TBC1D2B: variants seen among roughly 807,000 people sequenced by gnomAD.
TBC1D2B encodes the protein TBC1 domain family member 2B.
In TBC1D2B, 64 loss-of-function variants were observed where a neutral mutation model predicts 100.8. The observed-to-expected ratio is 0.64, with a 90% CI of 0.52 to 0.78. The LOEUF (loss-of-function observed/expected upper bound fraction) is 0.78, where lower values mean the gene tolerates loss of function less well. Ranked by LOEUF, TBC1D2B falls within the 30% of genes least tolerant of loss-of-function variation. TBC1D2B has a pLI of 0.00. For missense variants in TBC1D2B, 1,052 were observed against 1,218.4 expected (o/e 0.86, Z 2.03); for synonymous variants, 480 against 479.7 (o/e 1.00, Z -0.01).
intron 1 of TBC1D2B, among the ~76,000 whole-genome samples, chr15:78,076,709 C>A (rs1384981054): frequency 6.6e-6 from 1 of 152,190 alleles, no homozygotes; most frequent in Non-Finnish European, 1.5e-5. Flanking sequence ...CGAGATCGCA[C>A]CCCTGCACTC....
intron 9 of TBC1D2B, among the ~76,000 whole-genome samples, chr15:78,012,468 A>C (rs1300265566): frequency 6.6e-6 from 1 of 152,252 alleles, no homozygotes; most frequent in Non-Finnish European, 1.5e-5. Flanking sequence ...GATCCTGTAT[A>C]CTGCATAAAC....
chr15:78,041,965 G>T (rs1265978692), intron 3 of TBC1D2B, among the ~76,000 whole-genome samples: 2 of 152,158 alleles, frequency 1.3e-5, no homozygotes, highest in African/African-American at 2.4e-5. Flanking sequence ...AATGAGAAAC[G>T]GAGGCACAGA....
chr15:78,014,855 C>A (rs2072327781), intron 8 of TBC1D2B, among the ~76,000 whole-genome samples: 1 of 152,218 alleles, frequency 6.6e-6, no homozygotes, highest in Admixed American at 6.5e-5. Context: ...CAGAAATACA[C>A]ACTGAAGTAT....
At chr15:78,016,005 T>C (rs1465649451) in intron 8 of TBC1D2B, among the ~76,000 whole-genome samples, 1 of 152,198 alleles carries the variant, frequency 6.6e-6, no homozygotes, top group Non-Finnish European at 1.5e-5. Flanking sequence ...TCCTGAGTCG[T>C]GGAAACAAGA....
chr15:78,051,384 G>A (rs544140216), intron 2 of TBC1D2B, among the ~76,000 whole-genome samples: 1 of 152,114 alleles, frequency 6.6e-6, no homozygotes, highest in African/African-American at 2.4e-5. Flanking sequence ...TCAATTCCCA[G>A]AGCCACAGTT....
At chr15:78,053,230 G>C (rs971541626) in intron 2 of TBC1D2B, among the ~76,000 whole-genome samples, 4 of 152,206 alleles carry the variant, frequency 2.6e-5, no homozygotes, top group African/African-American at 9.7e-5. Context: ...AGGAAGTGAA[G>C]AAATCTCTTT....
intron 8 of TBC1D2B, among the ~76,000 whole-genome samples, chr15:78,014,048 G>A (rs1322294390): frequency 1.3e-5 from 2 of 152,218 alleles, no homozygotes; most frequent in African/African-American, 4.8e-5. Context: ...AAAGAATGCA[G>A]GGGGCTCTAG....
intron 1 of TBC1D2B, chr15:78,065,912 T>C (rs1046863597): frequency 2.3e-6 from 1 of 429,410 alleles, no homozygotes; most frequent in Non-Finnish European, 5.1e-6. Context: ...ACCACGGTGA[T>C]TTCTAACAGT....
intron 1 of TBC1D2B, among the ~76,000 whole-genome samples, chr15:78,066,997 T>C (rs971870563): frequency 4.6e-5 from 7 of 152,190 alleles, no homozygotes; most frequent in African/African-American, 1.7e-4. Context: ...CAACACAAAA[T>C]GGTTAAAGGT....
intron 4 of TBC1D2B, among the ~76,000 whole-genome samples, chr15:78,026,483 A>G (rs1445797888): frequency 6.6e-6 from 1 of 152,206 alleles, no homozygotes; most frequent in Non-Finnish European, 1.5e-5. Flanking sequence ...ATGCTTTTGG[A>G]CTTCTAGCCC....
intron 4 of TBC1D2B, among the ~76,000 whole-genome samples, chr15:78,029,183 A>G (rs745401293): frequency 1.8e-4 from 28 of 151,972 alleles, no homozygotes; most frequent in Admixed American, 3.3e-4. Context: ...CAGCCTCCCA[A>G]GTAGCTGGGA....
rs756315118 is a variant in TBC1D2B at position 77,998,068 on chromosome 15, A to G, written c.*92T>C. ...CATCTGCCCAGCAGATCCCCAGAGG[A>G]CACACACGTTACATTCTGGCTTTTA... On this transcript the variant is annotated 3_prime_UTR_variant, in exon 13 of 13. Transcript: ENST00000300584. 13 of 1,254,816 alleles carry G rather than the reference A, an allele frequency of 1.0e-5. No homozygotes were observed. The highest frequency in any genetic ancestry group is 1.3e-5 in the Non-Finnish European group (12 of 927,230). The allele number at this position is 1,254,816 out of a possible 1,614,324, so 77.7% of individuals were successfully genotyped here. A position where few individuals can be genotyped will look rare whatever the true frequency, so the allele number is the denominator to read the frequency against.
chr15:78,000,865 C>G (rs551922043), intron 12 of TBC1D2B, among the ~76,000 whole-genome samples: 1 of 152,230 alleles, frequency 6.6e-6, no homozygotes, highest in Admixed American at 6.5e-5. Flanking sequence ...ATCTACCCCC[C>G]TTCTCCATCT....
chr15:78,061,640 G>A (rs968851103), intron 1 of TBC1D2B, among the ~76,000 whole-genome samples: 1 of 148,294 alleles, frequency 6.7e-6, no homozygotes, highest in Non-Finnish European at 1.5e-5. Context: ...TCAAATACCT[G>A]GAAAAAAAAT....
intron 3 of TBC1D2B, among the ~76,000 whole-genome samples, chr15:78,043,440 C>T (rs927829794): frequency 2.0e-5 from 3 of 152,066 alleles, no homozygotes; most frequent in Non-Finnish European, 4.4e-5. Context: ...CACCACGTTG[C>T]CCAGGCTGGA....
chr15:78,040,578 G>A (rs1177574143), intron 3 of TBC1D2B, among the ~76,000 whole-genome samples: 2 of 131,500 alleles, frequency 1.5e-5, no homozygotes, highest in Non-Finnish European at 3.2e-5. Flanking sequence ...AGAAAGGAAA[G>A]GAAAGGGGAG....
chr15:78,073,842 C>T (rs1243715634), intron 1 of TBC1D2B, among the ~76,000 whole-genome samples: 1 of 151,546 alleles, frequency 6.6e-6, no homozygotes, highest in Non-Finnish European at 1.5e-5. Flanking sequence ...CGGTGGCACG[C>T]GCCTATAGTC....
chr15:78,054,682 CA>C (rs879934021), intron 1 of TBC1D2B, among the ~76,000 whole-genome samples: 8 of 152,186 alleles, frequency 5.3e-5, no homozygotes, highest in Non-Finnish European at 1.2e-4. Flanking sequence ...AAAAAGTTGA[CA>C]ATGCCAAGTG....
At chr15:78,011,680 G>A (rs1339361774) in intron 9 of TBC1D2B, among the ~76,000 whole-genome samples, 3 of 139,704 alleles carry the variant, frequency 2.1e-5, no homozygotes, top group African/African-American at 5.5e-5. Flanking sequence ...ACAGAGTCTC[G>A]CTCTGTTGTT....
Sources: gnomAD v4.1 joint callset for allele counts (sites outside exome capture counted in the v4.1 genomes callset) on GRCh38, gnomAD v4.1.1 for gene constraint, MANE v1.5 for transcripts, NCBI Gene and HGNC (gene_info 2026-07-23, HGNC 2026-07-21) for gene names.